Variants in SH2D3C observed in about 807,000 individuals in gnomAD.
SH2D3C encodes SH2 domain containing 3C.
Under a neutral mutation model 75.2 loss-of-function variants are expected in SH2D3C, and 25 were observed. The ratio of observed to expected loss-of-function variants is 0.33; its 90% CI spans 0.24 to 0.46. The LOEUF (loss-of-function observed/expected upper bound fraction) is 0.46. Among genes scored for constraint, SH2D3C ranks in the 20% least tolerant of loss-of-function variants. The pLI is 1.00. For missense variants in SH2D3C, 933 were observed against 1,165.3 expected (o/e 0.80, Z 2.90); for synonymous variants, 450 against 473.7 (o/e 0.95, Z 0.65).
intron 1 of SH2D3C, among the ~76,000 whole-genome samples, chr9:127,777,559 AT>A: frequency 7.6e-6 from 1 of 132,054 alleles, no homozygotes; most frequent in East Asian, 2.3e-4. Flanking sequence ...TGACGCCCCC[AT>A]CCCTCTGCTG....
intron 1 of SH2D3C, among the ~76,000 whole-genome samples, chr9:127,776,151 T>A (rs1845806120): frequency 6.6e-6 from 1 of 152,152 alleles, no homozygotes; most frequent in South Asian, 2.1e-4. Flanking sequence ...AATTTAAAAA[T>A]TTCTGAAAAT....
chr9:127,773,901 G>A, intron 2 of SH2D3C, 89 bp downstream of exon 2: 1 of 760,142 alleles, frequency 1.3e-6, no homozygotes, highest in Admixed American at 2.7e-5. Flanking sequence ...CTGAGAGACA[G>A]AGCGACACTC....
chr9:127,774,328 C>G lies in SH2D3C; in HGVS notation c.177G>C (p.Thr59=). 6.2e-7 allele frequency: 1 copy of G among 1,613,934 alleles called. No individual in the cohort carries two copies. Among genetic ancestry groups the G allele is most frequent in the Non-Finnish European group, 8.5e-7 (1 of 1,179,960 alleles). The part of the protein sequence containing the change: ...TFEATQDDMV[T]VPKSPPAYAR... ...CATAGGCTGGGGGACTCTTGGGCAC[C>G]GTCACCATGTCATCCTGCGTGGCTT... The change falls in exon 2 of 12, where the codon ACG becomes ACC. Residue 59 remains threonine, a synonymous_variant. Transcript: ENST00000314830. This position sits in a 1 kb window ranked among gnomAD's most constrained non-coding sequence, Gnocchi z 4.3.
In SH2D3C at chr9:127,749,090, C is replaced by T; in HGVS notation, c.1139+121G>A. 1 of 786,258 alleles carries T rather than the reference C, an allele frequency of 1.3e-6. No homozygotes were observed. The highest frequency in any genetic ancestry group is 1.7e-5 in the South Asian group (1 of 57,654). The allele number at this position is 786,258 out of a possible 1,614,324, so 48.7% of individuals were successfully genotyped here. ...ATGGCCCAACCTTCCTCCCATTCCT[C>T]CCTGCACACAGAGGCTCCAGGAGAG... On this transcript the variant is annotated intron_variant, in intron 5 of 11. Transcript: ENST00000314830. The surrounding 1 kb of genome is among the most constrained non-coding windows in gnomAD (Gnocchi z 5.9).
At chr9:127,768,578 C>G (rs1412447353) in intron 2 of SH2D3C, among the ~76,000 whole-genome samples, 3 of 152,034 alleles carry the variant, frequency 2.0e-5, no homozygotes, top group African/African-American at 7.2e-5. Context: ...GAATAAAGCC[C>G]CTGTCTCAAA....
At chr9:127,755,139 C>T (rs1845337365) in intron 3 of SH2D3C, 1 of 1,219,730 alleles carries the variant, frequency 8.2e-7, no homozygotes, top group South Asian at 4.0e-5. Flanking sequence ...GGGCACTCCA[C>T]AGGCTGCACC....
Position 127,738,817 on chromosome 9 carries a change from C to T in SH2D3C, c.2512G>A (p.Glu838Lys), listed in dbSNP as rs1276878645. 1 of 1,607,708 alleles carries T rather than the reference C, an allele frequency of 6.2e-7. No homozygotes were observed. The highest frequency in any genetic ancestry group is 8.5e-7 in the Non-Finnish European group (1 of 1,177,430). The change falls in exon 12 of 12, where the codon GAG becomes AAG. Residue 838 changes from glutamate to lysine, a missense_variant. Transcript: ENST00000314830. This position sits in a 1 kb window ranked among gnomAD's most constrained non-coding sequence, Gnocchi z 5.0. ...GCAGTGAGGACCTTGTCGAACTTCT[C>T]ATAGCGCCGGGCCTGGCTGCTGCTG... is the stretch of plus-strand genomic sequence containing the variant. The part of the protein sequence containing the change: ...GASSSQARRY[E>K]KFDKVLTALS...
At chr9:127,772,196 A>T (rs1845749714) in intron 2 of SH2D3C, among the ~76,000 whole-genome samples, 1 of 150,894 alleles carries the variant, frequency 6.6e-6, no homozygotes, top group South Asian at 2.1e-4. Flanking sequence ...AAAGAAAGAA[A>T]GGTCCCAGAA....
chr9:127,774,302 G>A lies in SH2D3C; in HGVS notation c.203C>T (p.Ala68Val), dbSNP rs759539615. ...GTGGCTGTACATGTCACTGGAGCGG[G>A]CATAGGCTGGGGGACTCTTGGGCAC... The part of the protein sequence containing the change: ...VTVPKSPPAY[A>V]RSSDMYSHMG... The change falls in exon 2 of 12, where the codon GCC (alanine) becomes GTC (valine). Residue 68 changes from alanine to valine, a missense_variant. Ala to Val is a moderately conservative substitution (Grantham distance 64, BLOSUM62 0). Transcript: ENST00000314830. This position sits in a 1 kb window ranked among gnomAD's most constrained non-coding sequence, Gnocchi z 4.3. 1.1e-5 allele frequency: 17 copies of A among 1,613,948 alleles called. No homozygotes were observed. Among genetic ancestry groups the A allele is most frequent in the Non-Finnish European group, 1.4e-5 (16 of 1,180,010 alleles).
chr9:127,757,529 C>A (rs890060591), intron 3 of SH2D3C, among the ~76,000 whole-genome samples: 2 of 151,214 alleles, frequency 1.3e-5, no homozygotes, highest in Admixed American at 1.3e-4. Context: ...CTCCTGGGTT[C>A]GAGTGATTCT....
chr9:127,762,901 G>A lies in SH2D3C; in HGVS notation c.516-1251C>T, dbSNP rs894719152. Among the ~76,000 whole-genome samples, 7 of 152,176 alleles carry A rather than the reference G, an allele frequency of 4.6e-5. No individual in the cohort carries two copies. In the East Asian group the frequency reaches 5.8e-4, roughly 13 times the overall value. ...TTTCTTCCTTTGTGAGAGTAAAGAC[G>A]GTACCATGATTATGCCAGAAAAACA... On this transcript the variant is annotated intron_variant, in intron 2 of 11. Coordinates refer to ENST00000314830, the MANE Select transcript of SH2D3C (RefSeq NM_170600.3).
intron 5 of SH2D3C, among the ~76,000 whole-genome samples, chr9:127,748,799 C>G (rs1845109541): frequency 6.6e-6 from 1 of 152,228 alleles, no homozygotes. Flanking sequence ...GTAAAGCCCT[C>G]TGCTCAGATG....
intron 2 of SH2D3C, among the ~76,000 whole-genome samples, chr9:127,769,889 C>T (rs1845701950): frequency 6.6e-6 from 1 of 152,130 alleles, no homozygotes; most frequent in South Asian, 2.1e-4. Flanking sequence ...CCACCTCACA[C>T]CCCAGTCTAG....
At chr9:127,771,384 G>T in intron 2 of SH2D3C, 1 of 1,327,540 alleles carries the variant, frequency 7.5e-7, no homozygotes, top group Non-Finnish European at 9.6e-7. Context: ...TGCGCTCCTT[G>T]CCCGGCCCCA....
intron 3 of SH2D3C, among the ~76,000 whole-genome samples, chr9:127,753,905 T>G (rs1054837352): frequency 6.6e-6 from 1 of 152,214 alleles, no homozygotes; most frequent in Admixed American, 6.5e-5. Context: ...CTGTGTGACC[T>G]TGAGCCAGTC....
Position 127,754,817 on chromosome 9 carries a change from G to A in SH2D3C, c.556-3517C>T. The A allele has an allele frequency of 6.2e-6, 3 of 486,346 alleles. No homozygotes were observed. Among genetic ancestry groups the A allele is most frequent in the South Asian group, 4.6e-5 (3 of 64,628 alleles). The allele number at this position is 486,346 out of a possible 1,614,324, so 30.1% of individuals were successfully genotyped here. On this transcript the variant is annotated intron_variant, in intron 3 of 11. Transcript: ENST00000314830. The surrounding 1 kb of genome is among the most constrained non-coding windows in gnomAD (Gnocchi z 4.4). The stretch of plus-strand genomic sequence containing the variant: ...CCTGCCCCAGCTCTCTCCCTCCTGC[G>A]GAGGAGGCAGAAACGGACCGGCATC...
chr9:127,758,097 T>C (rs914064928), intron 3 of SH2D3C, among the ~76,000 whole-genome samples: 1 of 152,038 alleles, frequency 6.6e-6, no homozygotes, highest in Non-Finnish European at 1.5e-5. Context: ...ATTACAGGTG[T>C]GAGCCCAGGT....
chr9:127,753,438 C>A (rs1322570133), intron 3 of SH2D3C, among the ~76,000 whole-genome samples: 1 of 152,140 alleles, frequency 6.6e-6, no homozygotes, highest in Non-Finnish European at 1.5e-5. Context: ...GAGGAGCCTG[C>A]AGGGCTCTGG....
chr9:127,768,369 G>C (rs1041954443), intron 2 of SH2D3C, among the ~76,000 whole-genome samples: 3 of 152,096 alleles, frequency 2.0e-5, no homozygotes, highest in African/African-American at 4.8e-5. Flanking sequence ...GCAACACAGG[G>C]TACCCCTGGT....
Sources: allele counts gnomAD v4.1 joint callset (sites outside exome capture counted in the v4.1 genomes callset), GRCh38; gene constraint gnomAD v4.1.1; non-coding constraint Gnocchi (gnomAD v3.1); transcripts MANE v1.5; gene names NCBI Gene and HGNC (gene_info 2026-07-23, HGNC 2026-07-21).